TENM3: variants seen among roughly 807,000 people sequenced by gnomAD.
The protein encoded by TENM3 is teneurin transmembrane protein 3.
In TENM3, 63 loss-of-function variants were observed where a neutral mutation model predicts 255.1. The ratio of observed to expected loss-of-function variants is 0.25; its 90% CI spans 0.20 to 0.30. The LOEUF (loss-of-function observed/expected upper bound fraction) is 0.30, where lower values mean the gene tolerates loss of function less well. Ranked by LOEUF, TENM3 falls within the 10% of genes least tolerant of loss-of-function variation. The pLI is 1.00. For synonymous variants in TENM3, 1,306 were observed against 1,322.3 expected (o/e 0.99, Z 0.27); for missense variants, 2,929 against 3,461.1 (o/e 0.85, Z 3.86).
intron 3 of TENM3, among the ~76,000 whole-genome samples, chr4:182,488,047 A>T (rs1000590352): frequency 6.6e-6 from 1 of 152,214 alleles, no homozygotes; most frequent in African/African-American, 2.4e-5. Flanking sequence ...TGTATTTTGG[A>T]TAAGATGGCA....
chr4:182,050,339 CA>C, the TENM3 span, among the ~76,000 whole-genome samples: 1 of 152,004 alleles, frequency 6.6e-6, no homozygotes, highest in East Asian at 1.9e-4. Context: ...TGTTGGAATA[CA>C]AAAGATGAAT....
the TENM3 span, among the ~76,000 whole-genome samples, chr4:181,454,102 A>G: frequency 2.0e-5 from 3 of 152,310 alleles, no homozygotes; most frequent in Non-Finnish European, 4.4e-5. Flanking sequence ...ATTAATAAGT[A>G]GGATCTAATG....
intron 3 of TENM3, among the ~76,000 whole-genome samples, chr4:182,492,501 A>C (rs1735398068): frequency 6.6e-6 from 1 of 152,188 alleles, no homozygotes; most frequent in Admixed American, 6.5e-5. Flanking sequence ...AGTAATATTC[A>C]TGTCAGTCAG....
the TENM3 span, among the ~76,000 whole-genome samples, chr4:181,638,402 C>T: frequency 6.6e-6 from 1 of 152,152 alleles, no homozygotes; most frequent in East Asian, 1.9e-4. Flanking sequence ...ATACTTAATG[C>T]CCCCCTGTGT....
chr4:182,145,681 A>G (rs1473487011), intron 1 of TENM3, among the ~76,000 whole-genome samples: 1 of 152,208 alleles, frequency 6.6e-6, no homozygotes, highest in Non-Finnish European at 1.5e-5. Context: ...ATTTGGAGGT[A>G]GAGAAAAGTT....
In TENM3 at chr4:182,540,131, C is replaced by T. The variant is rs1740716839; in HGVS notation, c.512-60793C>T. 2.6e-5 allele frequency among the ~76,000 whole-genome samples: 4 copies of T among 152,190 alleles called. No homozygotes were observed. The South Asian group carries it at 8.3e-4, about 32-fold the overall frequency. ...TGATTTGAATGTAAACCTTTGTAAC[C>T]TTAGCCCTACTTGTAGCTTTTGTTC... On this transcript the variant is annotated intron_variant, in intron 3 of 27. Transcript: ENST00000511685.
chr4:182,761,529 C>T lies in TENM3; in HGVS notation c.4892+6270C>T, dbSNP rs187682291. On this transcript the variant is annotated intron_variant, in intron 22 of 27. Transcript: ENST00000511685. Reference sequence around the variant, plus strand: ...CAACCCTAAAAACTGAAACACTGAACCTTGCATCATTGTTATTTCTGCCAA... The same window carrying T: ...CAACCCTAAAAACTGAAACACTGAATCTTGCATCATTGTTATTTCTGCCAA... 3.3e-4 allele frequency among the ~76,000 whole-genome samples: 50 copies of T among 152,198 alleles called. 1 individual carries two copies. The East Asian group carries it at 7.7e-3, about 24-fold the overall frequency.
chr4:181,616,578 G>T, the TENM3 span, among the ~76,000 whole-genome samples: 27 of 151,820 alleles, frequency 1.8e-4, no homozygotes, highest in Non-Finnish European at 1.5e-5. Context: ...GGGGAATTGG[G>T]TCATACAGTT....
Position 182,375,841 on chromosome 4 carries a change from G to GCT in TENM3, c.511+28913_511+28914dup, listed in dbSNP as rs1395954730. 1.2e-4 allele frequency among the ~76,000 whole-genome samples: 19 copies of GCT among 152,290 alleles called. 1 individual carries two copies. The highest frequency in any genetic ancestry group is 6.8e-3 in the Middle Eastern group (2 of 294). On this transcript the variant is annotated intron_variant, in intron 3 of 27. Transcript: ENST00000511685. ...TTACAAGTGTGAGCCACCGCGCCCG[G>GCT]CTGGGAACCGCATGTTGTGGGTGCT...
the TENM3 span, among the ~76,000 whole-genome samples, chr4:181,560,022 T>C: frequency 6.6e-6 from 1 of 152,262 alleles, no homozygotes; most frequent in South Asian, 2.1e-4. Context: ...TTTTAGCTTT[T>C]ATTTTAATGA....
At chr4:182,398,461 G>A (rs867931897) in intron 3 of TENM3, among the ~76,000 whole-genome samples, 23 of 152,250 alleles carry the variant, frequency 1.5e-4, no homozygotes, top group Middle Eastern at 3.4e-3. Context: ...AGTGTTTGTT[G>A]ACTGACTGCC....
intron 3 of TENM3, among the ~76,000 whole-genome samples, chr4:182,404,775 C>T (rs1401424177): frequency 2.0e-5 from 3 of 152,334 alleles, no homozygotes; most frequent in African/African-American, 4.8e-5. Flanking sequence ...TAGGAAACCA[C>T]GTCCACGTTA....
chr4:182,353,545 T>C lies in TENM3; in HGVS notation c.511+6616T>C, dbSNP rs1035372533. On this transcript the variant is annotated intron_variant, in intron 3 of 27. Transcript: ENST00000511685. ...GATATATAAAAATAACTACATTGCC[T>C]TGATAGATATACATTTACAATTTCA... Among the ~76,000 whole-genome samples, 3 of 152,240 alleles carry C rather than the reference T, an allele frequency of 2.0e-5. No individual in the cohort carries two copies. In the East Asian group the frequency reaches 5.8e-4, roughly 29 times the overall value.
intron 5 of TENM3, among the ~76,000 whole-genome samples, chr4:182,650,867 G>T (rs1753189861): frequency 7.4e-6 from 1 of 135,752 alleles, no homozygotes. Flanking sequence ...TCACTTTATT[G>T]AGATTTTCTG....
Position 182,679,791 on chromosome 4 carries a change from GT to G in TENM3, c.1453del (p.Tyr485ThrfsTer28). On this transcript the variant is annotated frameshift_variant, in exon 8 of 28. Coordinates refer to ENST00000511685, the MANE Select transcript of TENM3 (RefSeq NM_001080477.4). LOFTEE classifies it high-confidence loss of function. ...VSLHEAGFIQYLDSGIWHLAF... is the reference protein window; with the variant it reads ...VSLHEAGFIQXLDSGIWHLAF... ...GCCTTCATGAGGCCGGCTTTATCCA[GT>G]ACTTGGATTCTGGAATCTGGCATCT... The G allele has an allele frequency of 6.2e-7, 1 of 1,613,998 alleles. No individual in the cohort carries two copies. The highest frequency in any genetic ancestry group is 8.5e-7 in the Non-Finnish European group (1 of 1,179,894).
At chr4:182,209,952 T>G (rs1409469983) in intron 1 of TENM3, among the ~76,000 whole-genome samples, 1 of 152,114 alleles carries the variant, frequency 6.6e-6, no homozygotes, top group East Asian at 1.9e-4. Context: ...ACACCCAGGC[T>G]GTGTCATAGA....
the TENM3 span, among the ~76,000 whole-genome samples, chr4:182,108,334 A>G: frequency 1.3e-5 from 2 of 152,232 alleles, no homozygotes; most frequent in African/African-American, 2.4e-5. Context: ...AAGTTTTGAC[A>G]GGAAGGCTCC....
chr4:182,751,103 T>A (rs1486874463), intron 19 of TENM3, among the ~76,000 whole-genome samples: 3 of 152,226 alleles, frequency 2.0e-5, no homozygotes, highest in African/African-American at 7.2e-5. Flanking sequence ...ACTACATTCA[T>A]AGACAGGTTT....
At position 182,783,462 on chromosome 4, in the gene TENM3, G is replaced by A. The variant is rs556758292; in HGVS notation, c.5305-5631G>A. On this transcript the variant is annotated intron_variant, in intron 24 of 27. Transcript: ENST00000511685. ...ATGGGCTTCCCTTTGAGGGTAACTC[G>A]ACCTTTCTCTCTGGCTGCCCTTAAC... 6.0e-3 allele frequency among the ~76,000 whole-genome samples: 919 copies of A among 152,252 alleles called. 8 individuals carry two copies. Among genetic ancestry groups the A allele is most frequent in the African/African-American group, 0.021 (874 of 41,522 alleles).
Sources: gnomAD v4.1 joint callset for allele counts (sites outside exome capture counted in the v4.1 genomes callset) on GRCh38, gnomAD v4.1.1 for gene constraint, MANE v1.5 for transcripts, NCBI Gene and HGNC (gene_info 2026-07-23, HGNC 2026-07-21) for gene names.